Variants in ST18 observed in about 807,000 individuals in gnomAD.
ST18 encodes ST18 C2H2C-type zinc finger transcription factor, also known as suppression of tumorigenicity 18 protein.
A neutral mutation model predicts 110.0 loss-of-function variants in ST18; 50 were observed. The ratio of observed to expected loss-of-function variants is 0.45; its 90% CI spans 0.36 to 0.58. The LOEUF (loss-of-function observed/expected upper bound fraction) is 0.58, where lower values mean the gene tolerates loss of function less well. ST18 is among the 20% of genes least tolerant of loss of function. The pLI is 0.00. For synonymous variants in ST18, 461 were observed against 452.4 expected (o/e 1.02, Z -0.24); for missense variants, 1,306 against 1,280.1 (o/e 1.02, Z -0.31).
chr8:52,150,509 A>G (rs1303731171), intron 15 of ST18, among the ~76,000 whole-genome samples: 2 of 152,222 alleles, frequency 1.3e-5, no homozygotes, highest in South Asian at 2.1e-4. Flanking sequence ...GGAATATTAA[A>G]CTAATATAAA....
At chr8:52,342,888 T>G (rs1332465607) in intron 2 of ST18, among the ~76,000 whole-genome samples, 2 of 152,232 alleles carry the variant, frequency 1.3e-5, no homozygotes, top group African/African-American at 4.8e-5. Flanking sequence ...TCTTTTTGGA[T>G]GTTGACCTTT....
At chr8:52,358,275 C>T (rs1002637507) in intron 2 of ST18, among the ~76,000 whole-genome samples, 9 of 151,844 alleles carry the variant, frequency 5.9e-5, no homozygotes, top group African/African-American at 2.2e-4. Flanking sequence ...AATTAATATC[C>T]ACCTTTACAC....
Position 52,112,918 on chromosome 8 carries a change from T to G in ST18, c.*280A>C. 4.2e-6 allele frequency: 1 copy of G among 235,358 alleles called. No homozygotes were observed. 14.6% of individuals were successfully genotyped at this position (235,358 alleles called of 1,614,324 possible). A position where few individuals can be genotyped will look rare whatever the true frequency, so the allele number is the denominator to read the frequency against. ...ATAAAAATGTCACATTTATTTTACA[T>G]ATACTTTACAAAAAAAAAAAGAGTA... On this transcript the variant is annotated 3_prime_UTR_variant, in exon 26 of 26. Transcript: ENST00000689386.
chr8:52,282,038 T>C (rs548843121), intron 2 of ST18, among the ~76,000 whole-genome samples: 45 of 152,228 alleles, frequency 3.0e-4, no homozygotes, highest in Admixed American at 9.8e-4. Flanking sequence ...CATAAACCTA[T>C]TGAAATAAAA....
At chr8:52,397,158 T>C (rs1008813599) in intron 2 of ST18, among the ~76,000 whole-genome samples, 3 of 152,228 alleles carry the variant, frequency 2.0e-5, no homozygotes, top group African/African-American at 7.2e-5. Context: ...TCTGTCTTTT[T>C]GATAATAATC....
At chr8:52,161,905 A>C (rs2061554317) in intron 13 of ST18, among the ~76,000 whole-genome samples, 1 of 152,202 alleles carries the variant, frequency 6.6e-6, no homozygotes, top group African/African-American at 2.4e-5. Context: ...GAGTTTTTAA[A>C]GTTCTTAAAG....
rs989533935 is a variant in ST18, at chr8:52,118,354, A to T, written c.2843T>A (p.Met948Lys). The T allele has an allele frequency of 1.9e-6, 3 of 1,607,336 alleles. No individual in the cohort carries two copies. Among genetic ancestry groups the T allele is most frequent in the Middle Eastern group, 1.7e-4 (1 of 6,022 alleles). The change falls in exon 24 of 26, where the codon ATG becomes AAG. Residue 948 changes from methionine (M) to lysine (K), a missense_variant. Physicochemically the swap from Met to Lys is moderately conservative, Grantham distance 95. Transcript: ENST00000689386. Reference sequence around the variant, plus strand: ...TTTTTTTACCTGGGTCTGAAGTTTCATCATATCTGCTTCAATTTTAAGGTT... The same window carrying T: ...TTTTTTTACCTGGGTCTGAAGTTTCTTCATATCTGCTTCAATTTTAAGGTT... ...ESNLKIEADM[M>K]KLQTQITSME... is the part of the protein sequence containing the mutation.
At chr8:52,129,138 G>A (rs2048216765) in intron 22 of ST18, among the ~76,000 whole-genome samples, 1 of 152,096 alleles carries the variant, frequency 6.6e-6, no homozygotes, top group African/African-American at 2.4e-5. Flanking sequence ...TGCGTGCCAG[G>A]CATAAGCGAG....
At chr8:52,395,436 G>T (rs949136644) in intron 2 of ST18, among the ~76,000 whole-genome samples, 1 of 152,200 alleles carries the variant, frequency 6.6e-6, no homozygotes, top group African/African-American at 2.4e-5. Flanking sequence ...TGAGAAGTTA[G>T]CATTTCCGTC....
At chr8:52,238,936 A>G (rs180739083) in intron 2 of ST18, among the ~76,000 whole-genome samples, 1 of 152,138 alleles carries the variant, frequency 6.6e-6, no homozygotes, top group East Asian at 1.9e-4. Flanking sequence ...TGGTGACACT[A>G]AAAACTCAGA....
intron 2 of ST18, among the ~76,000 whole-genome samples, chr8:52,374,173 G>C (rs996511668): frequency 6.6e-6 from 1 of 152,122 alleles, no homozygotes; most frequent in Non-Finnish European, 1.5e-5. Flanking sequence ...TTGGAAATAG[G>C]GTCTTTGCAG....
chr8:52,161,037 T>C (rs967832180), intron 14 of ST18, among the ~76,000 whole-genome samples: 1 of 152,328 alleles, frequency 6.6e-6, no homozygotes, highest in Admixed American at 6.5e-5. Flanking sequence ...ATTACAACAG[T>C]CATCACATTT....
intron 9 of ST18, among the ~76,000 whole-genome samples, chr8:52,175,707 G>C (rs1265595579): frequency 6.6e-6 from 1 of 152,144 alleles, no homozygotes; most frequent in Non-Finnish European, 1.5e-5. Context: ...CACAAGAAAG[G>C]CATTTTCTAC....
chr8:52,183,160 T>C (rs751054693), intron 8 of ST18, among the ~76,000 whole-genome samples: 3 of 152,160 alleles, frequency 2.0e-5, no homozygotes, highest in Non-Finnish European at 2.9e-5. Flanking sequence ...TGACAGTTGG[T>C]TAGAGTAGAA....
At position 52,347,500 on chromosome 8, in the gene ST18, A is replaced by C. The variant is rs193077185; in HGVS notation, c.-465+61828T>G. On this transcript the variant is annotated intron_variant, in intron 2 of 25. Coordinates refer to ENST00000689386, the MANE Select transcript of ST18 (RefSeq NM_001352837.2). ...GTCAAAGTAATCAATAGAAGAACTA[A>C]AAATATTTATATATCAAACATTGGG... Among the ~76,000 whole-genome samples the C allele has an allele frequency of 9.2e-5, 14 of 152,358 alleles. No individual in the cohort carries two copies. The East Asian group carries it at 2.7e-3, about 29-fold the overall frequency.
At chr8:52,272,340 A>G (rs1040377140) in intron 2 of ST18, among the ~76,000 whole-genome samples, 4 of 149,686 alleles carry the variant, frequency 2.7e-5, no homozygotes, top group Admixed American at 2.6e-4. Flanking sequence ...AACTTCTACA[A>G]CTCAATAGTA....
In ST18 at chr8:52,387,386, T is replaced by C. The variant is rs79299796; in HGVS notation, c.-465+21942A>G. Reference sequence around the variant, plus strand: ...AGAGTCACTGTCACTATTACCAATATGTTTGTTCCACTAGAGTGTCCCCCT... The same window carrying C: ...AGAGTCACTGTCACTATTACCAATACGTTTGTTCCACTAGAGTGTCCCCCT... On this transcript the variant is annotated intron_variant, in intron 2 of 25. Coordinates refer to ENST00000689386, the MANE Select transcript of ST18 (RefSeq NM_001352837.2). Among the ~76,000 whole-genome samples the C allele has an allele frequency of 4.3e-3, 652 of 152,304 alleles. 27 individuals are homozygous for C. The East Asian group carries it at 0.099, about 23-fold the overall frequency.
rs549129094 is a variant in ST18 at position 52,228,514 on chromosome 8, A to T, written c.-419+1518T>A. ...TGTGGGAGAGAAAATGGCACTCACC[A>T]TAAGTAAAGACAAAACCAATTTATT... On this transcript the variant is annotated intron_variant, in intron 3 of 25. Transcript: ENST00000689386. Among the ~76,000 whole-genome samples the T allele has an allele frequency of 8.5e-5, 13 of 152,296 alleles. No homozygotes were observed. In the South Asian group the frequency reaches 2.7e-3, roughly 32 times the overall value.
chr8:52,388,607 G>A (rs1837826507), intron 2 of ST18, among the ~76,000 whole-genome samples: 1 of 151,998 alleles, frequency 6.6e-6, no homozygotes, highest in Admixed American at 6.6e-5. Context: ...GATTTCGCAC[G>A]GCGCACGATG....
Sources: gnomAD v4.1 joint callset for allele counts (sites outside exome capture counted in the v4.1 genomes callset) on GRCh38, gnomAD v4.1.1 for gene constraint, MANE v1.5 for transcripts, NCBI Gene and HGNC (gene_info 2026-07-23, HGNC 2026-07-21) for gene names.